DOCK4: variants seen among roughly 807,000 people sequenced by gnomAD.
DOCK4 encodes the protein dedicator of cytokinesis 4, also known as dedicator of cytokinesis protein 4.
A neutral mutation model predicts 268.1 loss-of-function variants in DOCK4; 97 were observed. That is an observed-to-expected ratio of 0.36 (90% CI 0.31 to 0.43). The LOEUF (loss-of-function observed/expected upper bound fraction) is 0.43. DOCK4 is among the 20% of genes least tolerant of loss of function. The pLI, the probability that DOCK4 is intolerant of heterozygous loss-of-function variation, is 1.00. For synonymous variants in DOCK4, 954 were observed against 887.2 expected, an observed-to-expected ratio of 1.08 and a Z score of -1.34; for missense variants, 2,145 against 2,455.7, an observed-to-expected ratio of 0.87 and a Z score of 2.67.
intron 17 of DOCK4, among the ~76,000 whole-genome samples, chr7:111,874,812 G>A (rs1237952128): frequency 2.6e-5 from 4 of 152,150 alleles, no homozygotes; most frequent in Non-Finnish European, 5.9e-5. Flanking sequence ...CTCTGACCTT[G>A]GTACACTGTC....
intron 23 of DOCK4, chr7:111,862,899 T>C (rs905501078): frequency 2.3e-5 from 4 of 175,064 alleles, no homozygotes; most frequent in Non-Finnish European, 4.8e-5. Flanking sequence ...CACTCTGTTA[T>C]TTATTCGGGA....
chr7:111,940,184 A>G lies in DOCK4; in HGVS notation c.903T>C (p.Phe301=), dbSNP rs764837012. Residue 301 remains phenylalanine, a synonymous_variant, in exon 11 of 53, where the codon TTT becomes TTC. Transcript: ENST00000428084. The part of the protein sequence containing the change: ...NACSVQYRRP[F]GCAVLSIADL... ...CAGCGATGCTAAGAACTGCACAGCC[A>G]AAGGGTCGTCGGTACTGGACACTAC... The G allele has an allele frequency of 3.7e-6, 6 of 1,613,892 alleles. No homozygotes were observed. Among genetic ancestry groups the G allele is most frequent in the Non-Finnish European group, 5.1e-6 (6 of 1,179,888 alleles).
intron 7 of DOCK4, among the ~76,000 whole-genome samples, chr7:111,980,317 G>T (rs1048197121): frequency 1.3e-5 from 2 of 152,008 alleles, no homozygotes; most frequent in Non-Finnish European, 2.9e-5. Context: ...CAGTACTTCC[G>T]CAAACTGCTA....
intron 9 of DOCK4, among the ~76,000 whole-genome samples, 155 bp downstream of exon 9, chr7:111,945,562 T>TA (rs1795553120): frequency 2.0e-5 from 3 of 152,240 alleles, no homozygotes; most frequent in Non-Finnish European, 4.4e-5. Context: ...TGGGAGGTGA[T>TA]ATTCAGAATT....
chr7:111,920,971 A>C (rs1365208606), intron 12 of DOCK4, among the ~76,000 whole-genome samples: 1 of 152,062 alleles, frequency 6.6e-6, no homozygotes, highest in Admixed American at 6.6e-5. Context: ...CATAAAATTA[A>C]AATTTCATAA....
rs1473233202 is a variant in DOCK4, at chr7:111,808,780, GGAGCTGTATAGTAGATGTGGCTTCTC to G, written c.3166+15_3166+40del. The G allele has an allele frequency of 6.3e-7, 1 of 1,585,766 alleles. No homozygotes were observed. The highest frequency in any genetic ancestry group is 1.3e-5 in the African/African-American group (1 of 74,552). On this transcript the variant is annotated intron_variant, in intron 30 of 52. Coordinates refer to ENST00000428084, the MANE Select transcript of DOCK4 (RefSeq NM_001363540.2). Reference sequence around the variant, plus strand: ...ATTTGTACACTTCAAGGTACAGCGAGGAGCTGTATAGTAGATGTGGCTTCTCTTTTCCTCACTTACCTAGGTTTTGC... The same window carrying G: ...ATTTGTACACTTCAAGGTACAGCGAGTTTTCCTCACTTACCTAGGTTTTGC...
chr7:112,135,753 ATTG>A (rs1814279489), intron 1 of DOCK4, among the ~76,000 whole-genome samples: 4 of 148,358 alleles, frequency 2.7e-5, no homozygotes, highest in African/African-American at 9.9e-5. Context: ...GTTCCATAAA[ATTG>A]TTATCAGTCC....
chr7:111,999,011 C>T (rs1800203418), intron 3 of DOCK4, among the ~76,000 whole-genome samples: 1 of 152,010 alleles, frequency 6.6e-6, no homozygotes. Flanking sequence ...AACTCAGCAA[C>T]AGTTAATCAC....
chr7:112,134,386 A>C (rs1814111318), intron 1 of DOCK4, among the ~76,000 whole-genome samples: 1 of 152,228 alleles, frequency 6.6e-6, no homozygotes, highest in Non-Finnish European at 1.5e-5. Flanking sequence ...TGGAAGGTAT[A>C]AAAAGTGTTT....
intron 12 of DOCK4, among the ~76,000 whole-genome samples, chr7:111,933,851 G>A (rs1794472624): frequency 6.6e-6 from 1 of 152,164 alleles, no homozygotes; most frequent in African/African-American, 2.4e-5. Context: ...ACTCATTATA[G>A]TCTGAAGCGT....
At chr7:112,080,146 T>C (rs1309626750) in intron 1 of DOCK4, among the ~76,000 whole-genome samples, 2 of 152,136 alleles carry the variant, frequency 1.3e-5, no homozygotes, top group Non-Finnish European at 2.9e-5. Flanking sequence ...ATCAGGTAAA[T>C]ATGGATTATT....
intron 1 of DOCK4, among the ~76,000 whole-genome samples, chr7:112,156,522 A>G (rs1003082886): frequency 6.6e-6 from 1 of 152,224 alleles, no homozygotes; most frequent in Non-Finnish European, 1.5e-5. Context: ...CTTACCAAGC[A>G]TGACATTCTA....
chr7:111,894,384 G>A (rs1308903701), intron 16 of DOCK4, among the ~76,000 whole-genome samples: 1 of 152,100 alleles, frequency 6.6e-6, no homozygotes, highest in Non-Finnish European at 1.5e-5. Context: ...CATAGCTGTT[G>A]TTCTCGAGGG....
In DOCK4 at chr7:112,054,577, A is replaced by C. The variant is rs547607013; in HGVS notation, c.38-50446T>G. ...AACTAGGAATTACTGACAAAAAAAA[A>C]CAAAACTACAAAATAATGAAATACA... is the stretch of plus-strand genomic sequence containing the variant. On this transcript the variant is annotated intron_variant, in intron 1 of 52. Coordinates refer to ENST00000428084, the MANE Select transcript of DOCK4 (RefSeq NM_001363540.2). 3.3e-3 allele frequency among the ~76,000 whole-genome samples: 508 copies of C among 152,230 alleles called. 4 individuals carry two copies. Among genetic ancestry groups the C allele is most frequent in the African/African-American group, 0.012 (479 of 41,524 alleles).
chr7:112,184,603 C>T (rs1228519849), intron 1 of DOCK4, among the ~76,000 whole-genome samples: 1 of 152,074 alleles, frequency 6.6e-6, no homozygotes, highest in East Asian at 1.9e-4. Flanking sequence ...CACTGACTCT[C>T]CTCATAAAAA....
At chr7:111,775,733 G>A (rs1400800560) in intron 36 of DOCK4, among the ~76,000 whole-genome samples, 1 of 152,194 alleles carries the variant, frequency 6.6e-6, no homozygotes, top group African/African-American at 2.4e-5. Flanking sequence ...AAACAAAGCT[G>A]CACACTGTAG....
In DOCK4 at chr7:111,732,256, G is replaced by A. The variant is rs760641537; in HGVS notation, c.5451C>T (p.Ser1817=). The A allele has an allele frequency of 1.5e-5, 24 of 1,614,006 alleles. No homozygotes were observed. The South Asian group carries it at 2.6e-4, about 18-fold the overall frequency. ...ASPARHTTSV[S]PSPAGRSPLK... ...ATGGAGATCGCCCGGCAGGCGAGGG[G>A]GATACTGATGTCGTGTGTCTTGCTG... is the stretch of plus-strand genomic sequence containing the variant. The change falls in exon 52 of 53, where the codon TCC becomes TCT. Residue 1817 remains serine (S), a synonymous_variant. Transcript: ENST00000428084.
chr7:111,945,727 G>C lies in DOCK4; in HGVS notation c.773C>G (p.Ser258Cys). ...KAPDKPERHCSLFVDLGSSEL... is the reference protein window; with the variant it reads ...KAPDKPERHCCLFVDLGSSEL... ...ACAAGATCCACTCACCACAAAGAGG[G>C]AGCAATGTCGTTCCGGTTTATCAGG... Residue 258 changes from serine to cysteine, a missense_variant, in exon 9 of 53, where the codon TCC becomes TGC. Ser to Cys is a moderately radical substitution (Grantham distance 112). Transcript: ENST00000428084. The C allele has an allele frequency of 6.3e-7, 1 of 1,595,414 alleles. No homozygotes were observed. Among genetic ancestry groups the C allele is most frequent in the Non-Finnish European group, 8.5e-7 (1 of 1,170,466 alleles).
chr7:111,986,064 C>T (rs1177581177), intron 6 of DOCK4, among the ~76,000 whole-genome samples: 1 of 152,198 alleles, frequency 6.6e-6, no homozygotes, highest in Non-Finnish European at 1.5e-5. Context: ...ACCATCTCCC[C>T]TTCCTGAGCC....
Sources: gnomAD v4.1 joint callset for allele counts (sites outside exome capture counted in the v4.1 genomes callset) on GRCh38, gnomAD v4.1.1 for gene constraint, MANE v1.5 for transcripts, NCBI Gene and HGNC (gene_info 2026-07-23, HGNC 2026-07-21) for gene names.